Variants in TOM1L1 observed in about 807,000 individuals in gnomAD.
TOM1L1 encodes TOM1-like protein 1.
A neutral mutation model predicts 63.4 loss-of-function variants in TOM1L1; 64 were observed. The ratio of observed to expected loss-of-function variants is 1.01; its 90% CI spans 0.83 to 1.24. TOM1L1 has a LOEUF of 1.24. Among genes scored for constraint, TOM1L1 ranks in the 50% most tolerant of loss-of-function variants. TOM1L1 has a pLI of 0.00. For missense variants in TOM1L1, 536 were observed against 567.0 expected, an observed-to-expected ratio of 0.95 and a Z score of 0.55; for synonymous variants, 166 against 194.4, an observed-to-expected ratio of 0.85 and a Z score of 1.22.
At position 54,913,940 on chromosome 17, in the gene TOM1L1, G is replaced by A. The variant is rs967661961; in HGVS notation, c.498+67G>A. 5.8e-5 allele frequency: 87 copies of A among 1,505,432 alleles called. No individual in the cohort carries two copies. In the African/African-American group the frequency reaches 1.1e-3, roughly 19 times the overall value. 93.3% of individuals were successfully genotyped at this position (1,505,432 alleles called of 1,614,324 possible). On this transcript the variant is annotated intron_variant, in intron 5 of 15. Coordinates refer to ENST00000575882, the MANE Select transcript of TOM1L1 (RefSeq NM_005486.3). ...ATCACTTGGGTCTTTTCTCATTACA[G>A]GAGACAACCCTAAATCCACCCAGCT...
chr17:54,908,587 T>G (rs186265091), intron 3 of TOM1L1, among the ~76,000 whole-genome samples: 143 of 152,332 alleles, frequency 9.4e-4, no homozygotes, highest in Admixed American at 1.7e-3. Flanking sequence ...TTATCTGTCA[T>G]GTTGAGTTCT....
intron 3 of TOM1L1, among the ~76,000 whole-genome samples, chr17:54,907,890 T>G (rs1224506176): frequency 6.6e-6 from 1 of 152,218 alleles, no homozygotes; most frequent in African/African-American, 2.4e-5. Context: ...CCCAGCCTAC[T>G]TGATGTTTCA....
At chr17:54,945,252 C>G (rs1265839565) in intron 11 of TOM1L1, among the ~76,000 whole-genome samples, 1 of 152,110 alleles carries the variant, frequency 6.6e-6, no homozygotes, top group Non-Finnish European at 1.5e-5. Context: ...GGATGGTATC[C>G]TCATCTTAAG....
chr17:54,938,960 T>G lies in TOM1L1; in HGVS notation c.1070T>G (p.Leu357Ter). The G allele has an allele frequency of 6.2e-7, 1 of 1,612,622 alleles. No homozygotes were observed. The highest frequency in any genetic ancestry group is 8.5e-7 in the Non-Finnish European group (1 of 1,179,316). Residue 357 changes from leucine (L) to a stop codon, truncating the protein, a stop_gained, in exon 11 of 16, where the codon TTA becomes TGA. Coordinates refer to ENST00000575882, the MANE Select transcript of TOM1L1 (RefSeq NM_005486.3). LOFTEE classifies it high-confidence loss of function. ...SLPSSDVTNN[L>*]KPSLHPQMNL... ...CCAAGTTCTGATGTAACAAACAACT[T>G]AAAACCCAGTCTTCATCCACAGATG... is the stretch of plus-strand genomic sequence containing the variant.
chr17:54,936,610 AT>A (rs34711795), intron 8 of TOM1L1, 38 bp from the exon 9 acceptor site: 5 of 1,531,490 alleles, frequency 3.3e-6, no homozygotes, highest in Middle Eastern at 1.8e-4. Context: ...ATTTTCATAT[AT>A]TTTTTTAAAA....
intron 11 of TOM1L1, among the ~76,000 whole-genome samples, chr17:54,945,851 A>G (rs1031472823): frequency 6.6e-6 from 1 of 151,866 alleles, no homozygotes; most frequent in Non-Finnish European, 1.5e-5. Flanking sequence ...TAATTTCAAC[A>G]TCTGTGTCCT....
intron 3 of TOM1L1, among the ~76,000 whole-genome samples, chr17:54,908,625 T>C (rs1040270087): frequency 6.6e-5 from 10 of 152,230 alleles, no homozygotes; most frequent in African/African-American, 2.4e-4. Context: ...TTGATTGGGC[T>C]TTGACGGAAC....
At chr17:54,912,169 A>G (rs2048507240) in intron 3 of TOM1L1, among the ~76,000 whole-genome samples, 1 of 152,184 alleles carries the variant, frequency 6.6e-6, no homozygotes, top group African/African-American at 2.4e-5. Context: ...AGCCTTTTCC[A>G]AAAGTCTTGT....
At chr17:54,926,667 G>C (rs554320923) in intron 7 of TOM1L1, among the ~76,000 whole-genome samples, 5 of 151,412 alleles carry the variant, frequency 3.3e-5, no homozygotes, top group South Asian at 2.1e-4. Flanking sequence ...CCTGAGAATA[G>C]GAAAAAGAAA....
At chr17:54,914,511 G>A (rs2048554074) in intron 5 of TOM1L1, 128 bp from the exon 6 acceptor site, 1 of 677,936 alleles carries the variant, frequency 1.5e-6, no homozygotes, top group Non-Finnish European at 2.6e-6. Context: ...TGTAGCTGAT[G>A]ATTTACTCTG....
intron 11 of TOM1L1, 100 bp from the exon 12 acceptor site, chr17:54,947,161 T>A (rs1193199161): frequency 1.8e-6 from 2 of 1,105,990 alleles, no homozygotes; most frequent in Non-Finnish European, 2.7e-6. Flanking sequence ...AGTCTGAAGG[T>A]ACCTTTTAGG....
At chr17:54,914,428 C>T (rs1042503122) in intron 5 of TOM1L1, among the ~76,000 whole-genome samples, 4 of 151,612 alleles carry the variant, frequency 2.6e-5, no homozygotes, top group African/African-American at 9.7e-5. Context: ...TAATAGCCAC[C>T]TTTTGTTGAA....
intron 7 of TOM1L1, 35 bp downstream of exon 7, chr17:54,915,897 G>A (rs1309003461): frequency 4.0e-6 from 6 of 1,508,842 alleles, no homozygotes; most frequent in Non-Finnish European, 5.5e-6. Context: ...CAGTCAAAGT[G>A]TCTCTTAAAG....
At chr17:54,923,192 A>G (rs2048711174) in intron 7 of TOM1L1, among the ~76,000 whole-genome samples, 1 of 152,198 alleles carries the variant, frequency 6.6e-6, no homozygotes, top group African/African-American at 2.4e-5. Flanking sequence ...GCTGCTATGA[A>G]CATTCACATA....
intron 12 of TOM1L1, among the ~76,000 whole-genome samples, chr17:54,948,395 C>T (rs778115605): frequency 3.2e-4 from 48 of 152,202 alleles, no homozygotes; most frequent in Non-Finnish European, 6.9e-4. Flanking sequence ...TGACCGCACC[C>T]GTCACCTCTC....
chr17:54,902,382 C>T (rs1482039826), intron 1 of TOM1L1, among the ~76,000 whole-genome samples: 6 of 152,134 alleles, frequency 3.9e-5, no homozygotes, highest in African/African-American at 7.2e-5. Context: ...CTCCGCCTAC[C>T]GGGTTCAAGC....
In TOM1L1 at chr17:54,959,674, G is replaced by A. The variant is rs149654036; in HGVS notation, c.1371-892G>A. 4.0e-3 allele frequency among the ~76,000 whole-genome samples: 604 copies of A among 149,574 alleles called. 1 individual carries two copies. The highest frequency in any genetic ancestry group is 5.9e-3 in the Non-Finnish European group (403 of 67,776). ...GCTCTGTAGCCCAGGCTGGAGTGCA[G>A]TGGCACGATCTCAGCTCACTGCAAT... On this transcript the variant is annotated intron_variant, in intron 14 of 15. Coordinates refer to ENST00000575882, the MANE Select transcript of TOM1L1 (RefSeq NM_005486.3).
chr17:54,913,665 CAAA>C (rs58570485), intron 4 of TOM1L1, 80 bp from the exon 5 acceptor site: 6,601 of 1,066,382 alleles, frequency 6.2e-3, no homozygotes, highest in South Asian at 0.013. Context: ...GACTCTGTCT[CAAA>C]AAAAAAAAAA....
At chr17:54,923,336 A>AT (rs2048713898) in intron 7 of TOM1L1, among the ~76,000 whole-genome samples, 1 of 151,992 alleles carries the variant, frequency 6.6e-6, no homozygotes, top group Non-Finnish European at 1.5e-5. Context: ...ACCATTGTAT[A>AT]TTCTGTTAGC....
Sources: gnomAD v4.1 joint callset for allele counts (sites outside exome capture counted in the v4.1 genomes callset) on GRCh38, gnomAD v4.1.1 for gene constraint, MANE v1.5 for transcripts, NCBI Gene and HGNC (gene_info 2026-07-23, HGNC 2026-07-21) for gene names.